Variants in SLC16A10 observed in about 807,000 individuals in gnomAD.
SLC16A10 encodes the protein monocarboxylate transporter 10.
In SLC16A10, 27 loss-of-function variants were observed where a neutral mutation model predicts 40.0. The observed-to-expected ratio is 0.67, with a 90% confidence interval of 0.50 to 0.93. The LOEUF is 0.93. SLC16A10 is among the 40% of genes least tolerant of loss of function. The pLI is 0.00. For missense variants in SLC16A10, 529 were observed against 658.2 expected, an observed-to-expected ratio of 0.80 and a Z score of 2.15; for synonymous variants, 213 against 249.8, an observed-to-expected ratio of 0.85 and a Z score of 1.39.
chr6:111,123,764 T>C (rs549592326), intron 1 of SLC16A10, among the ~76,000 whole-genome samples: 1 of 152,330 alleles, frequency 6.6e-6, no homozygotes, highest in African/African-American at 2.4e-5. Flanking sequence ...TCCGTAATAG[T>C]AACTTCTGTG....
intron 1 of SLC16A10, among the ~76,000 whole-genome samples, chr6:111,147,801 T>A (rs1772105614): frequency 6.6e-6 from 1 of 152,174 alleles, no homozygotes; most frequent in South Asian, 2.1e-4. Flanking sequence ...ACAACAGATG[T>A]GGAGTTGTAC....
intron 3 of SLC16A10, among the ~76,000 whole-genome samples, chr6:111,195,652 A>G (rs1773067644): frequency 6.6e-6 from 1 of 152,190 alleles, no homozygotes; most frequent in South Asian, 2.1e-4. Context: ...TTGTGAACCA[A>G]TGTGTAGTGT....
intron 3 of SLC16A10, among the ~76,000 whole-genome samples, chr6:111,189,357 T>C (rs1405328300): frequency 6.6e-6 from 1 of 152,190 alleles, no homozygotes; most frequent in Non-Finnish European, 1.5e-5. Context: ...TCTATTGCCC[T>C]TGGGAGGCCT....
rs368453562 is a variant in SLC16A10 at position 111,230,418 on chromosome 6, G to T, written c.*8183G>T. On this transcript the variant is annotated 3_prime_UTR_variant, in exon 6 of 6. Transcript: ENST00000368851. ...AGAAAGACTATGCATTCACAATCCA[G>T]TACACTGGATTTGCTCTGGTAACTA... 7 of 152,316 alleles carry T rather than the reference G, an allele frequency of 4.6e-5. No individual in the cohort carries two copies. Among genetic ancestry groups the T allele is most frequent in the Admixed American group, 3.3e-4 (5 of 15,294 alleles). 9.4% of individuals were successfully genotyped at this position (152,316 alleles called of 1,614,324 possible). A position where few individuals can be genotyped will look rare whatever the true frequency, so the allele number is the denominator to read the frequency against.
At chr6:111,163,563 A>T (rs1172792567) in intron 1 of SLC16A10, among the ~76,000 whole-genome samples, 1 of 152,226 alleles carries the variant, frequency 6.6e-6, no homozygotes, top group Non-Finnish European at 1.5e-5. Flanking sequence ...CCTGAAGAAG[A>T]TTAAACATTA....
intron 1 of SLC16A10, among the ~76,000 whole-genome samples, chr6:111,088,490 C>G (rs933318225): frequency 6.6e-6 from 1 of 152,110 alleles, no homozygotes; most frequent in Non-Finnish European, 1.5e-5. Flanking sequence ...CGTGACTATG[C>G]CAGTTATGTA....
At chr6:111,162,797 A>G (rs1428530243) in intron 1 of SLC16A10, among the ~76,000 whole-genome samples, 1 of 152,186 alleles carries the variant, frequency 6.6e-6, no homozygotes, top group Non-Finnish European at 1.5e-5. Flanking sequence ...ACTCTGAAAA[A>G]CAAAACAAGG....
At chr6:111,171,361 A>G (rs868511793) in intron 1 of SLC16A10, among the ~76,000 whole-genome samples, 5 of 152,290 alleles carry the variant, frequency 3.3e-5, no homozygotes, top group Middle Eastern at 3.4e-3. Flanking sequence ...GAAAATAGAA[A>G]TATGGCTTAC....
chr6:111,098,573 T>C (rs1162939866), intron 1 of SLC16A10, among the ~76,000 whole-genome samples: 1 of 152,220 alleles, frequency 6.6e-6, no homozygotes, highest in Non-Finnish European at 1.5e-5. Context: ...GAAAACTACC[T>C]GTTCATTAAA....
rs1312712857 is a variant in SLC16A10, at chr6:111,163,144, TA to T, written c.344-9549del. Among the ~76,000 whole-genome samples the T allele has an allele frequency of 5.2e-5, 7 of 135,474 alleles. No individual in the cohort carries two copies. The South Asian group carries it at 9.3e-4, about 18-fold the overall frequency. 88.9% of individuals were successfully genotyped at this position (135,474 alleles called of 152,430 possible). On this transcript the variant is annotated intron_variant, in intron 1 of 5. Coordinates refer to ENST00000368851, the MANE Select transcript of SLC16A10 (RefSeq NM_018593.5). Reference sequence around the variant, plus strand: ...TCTGAGCTTTACAATAACAACATAATAATTTTTTTTTTTTTTTTTTTTTTTT... The same window carrying T: ...TCTGAGCTTTACAATAACAACATAATATTTTTTTTTTTTTTTTTTTTTTTT...
chr6:111,153,681 C>G (rs1203026449), intron 1 of SLC16A10, among the ~76,000 whole-genome samples: 1 of 152,176 alleles, frequency 6.6e-6, no homozygotes, highest in African/African-American at 2.4e-5. Context: ...AGCCCTTAGG[C>G]AAATCACTTA....
At chr6:111,186,674 T>A (rs1772903138) in intron 3 of SLC16A10, among the ~76,000 whole-genome samples, 1 of 152,172 alleles carries the variant, frequency 6.6e-6, no homozygotes, top group South Asian at 2.1e-4. Flanking sequence ...ATTCATGCTA[T>A]CAGGAAGGGT....
chr6:111,219,191 A>G, intron 5 of SLC16A10, 149 bp downstream of exon 5: 1 of 729,252 alleles, frequency 1.4e-6, no homozygotes, highest in African/African-American at 1.8e-5. Context: ...TAACATTTTT[A>G]ATAAGACTAG....
intron 1 of SLC16A10, among the ~76,000 whole-genome samples, chr6:111,163,222 G>A (rs1321252656): frequency 6.3e-5 from 9 of 142,132 alleles, no homozygotes; most frequent in Non-Finnish European, 1.4e-4. Context: ...GCGGGATCTC[G>A]GCTCACTGCA....
At chr6:111,111,213 T>C (rs572157997) in intron 1 of SLC16A10, among the ~76,000 whole-genome samples, 3 of 152,208 alleles carry the variant, frequency 2.0e-5, no homozygotes, top group Non-Finnish European at 4.4e-5. Context: ...ATTTAAAATA[T>C]GTTTTGTAAA....
chr6:111,182,192 G>C (rs1279240218), intron 3 of SLC16A10, among the ~76,000 whole-genome samples: 3 of 151,610 alleles, frequency 2.0e-5, no homozygotes, highest in African/African-American at 7.3e-5. Flanking sequence ...GTAGAGACAG[G>C]GTTTTGCCAC....
intron 3 of SLC16A10, among the ~76,000 whole-genome samples, chr6:111,182,927 C>CAGGCTACCACGTACCCCTAGCCT (rs1347537141): frequency 6.6e-6 from 1 of 152,188 alleles, no homozygotes; most frequent in Non-Finnish European, 1.5e-5. Context: ...TACCTTAGCC[C>CAGGCTACCACGTACCCCTAGCCT]AGGCTACCAC....
intron 1 of SLC16A10, among the ~76,000 whole-genome samples, chr6:111,166,632 A>C (rs1772479153): frequency 6.6e-6 from 1 of 152,232 alleles, no homozygotes. Flanking sequence ...ACTACAATAA[A>C]TCTTCCCTTT....
At chr6:111,182,007 G>A (rs374725402) in intron 3 of SLC16A10, among the ~76,000 whole-genome samples, 2 of 149,758 alleles carry the variant, frequency 1.3e-5, no homozygotes, top group Non-Finnish European at 3.0e-5. Flanking sequence ...TTTTGTTTTC[G>A]TTTTTTTTTG....
Sources: gnomAD v4.1 joint callset for allele counts (sites outside exome capture counted in the v4.1 genomes callset) on GRCh38, gnomAD v4.1.1 for gene constraint, MANE v1.5 for transcripts, NCBI Gene and HGNC (gene_info 2026-07-23, HGNC 2026-07-21) for gene names.